Variants in UHRF2 observed in about 807,000 individuals in gnomAD.
UHRF2 encodes E3 ubiquitin-protein ligase UHRF2.
UHRF2 carries 23 observed loss-of-function variants against 96.8 expected under a neutral mutation model. That is an observed-to-expected ratio of 0.24 (90% CI 0.17 to 0.34). UHRF2 has a LOEUF of 0.34. Among genes scored for constraint, UHRF2 ranks in the 10% least tolerant of loss-of-function variants. The pLI is 1.00. For missense variants in UHRF2, 685 were observed against 981.5 expected (o/e 0.70, Z 4.04); for synonymous variants, 385 against 332.6 (o/e 1.16, Z -1.72).
At chr9:6,494,772 C>G (rs1357867686) in intron 10 of UHRF2, 1 of 152,124 alleles carries the variant, frequency 6.6e-6, no homozygotes, top group East Asian at 1.9e-4. Context: ...GTCTAAATCA[C>G]TCAGTTTTAA....
intron 3 of UHRF2, among the ~76,000 whole-genome samples, chr9:6,438,114 A>G (rs1820958885): frequency 6.6e-6 from 1 of 152,234 alleles, no homozygotes; most frequent in Non-Finnish European, 1.5e-5. Context: ...CTTAGCTTGA[A>G]AGACCTGGAT....
intron 1 of UHRF2, among the ~76,000 whole-genome samples, chr9:6,419,101 C>T (rs990162065): frequency 6.6e-5 from 10 of 152,188 alleles, no homozygotes; most frequent in African/African-American, 2.2e-4. Context: ...AATTACCTCT[C>T]TAAAGACCCT....
At chr9:6,461,489 C>G (rs1475565341) in intron 4 of UHRF2, among the ~76,000 whole-genome samples, 1 of 151,166 alleles carries the variant, frequency 6.6e-6, no homozygotes, top group Non-Finnish European at 1.5e-5. Flanking sequence ...TCTCCTGCCT[C>G]AGCCTCCCAA....
intron 9 of UHRF2, among the ~76,000 whole-genome samples, chr9:6,487,175 T>TTTATTTTTTA (rs1219013703): frequency 1.4e-5 from 2 of 142,684 alleles, no homozygotes; most frequent in African/African-American, 5.5e-5. Context: ...GCTTTTATTT[T>TTTATTTTTTA]TTTTTCCTTT....
At chr9:6,438,718 C>G (rs1386508583) in intron 3 of UHRF2, among the ~76,000 whole-genome samples, 1 of 152,172 alleles carries the variant, frequency 6.6e-6, no homozygotes, top group Non-Finnish European at 1.5e-5. Flanking sequence ...TGTTTAAAAG[C>G]TGTTTTTTAT....
rs755885400 is a variant in UHRF2, at chr9:6,456,913, G to A, written c.645-3660G>A. 4.6e-5 allele frequency among the ~76,000 whole-genome samples: 7 copies of A among 152,016 alleles called. No individual in the cohort carries two copies. The East Asian group carries it at 7.7e-4, about 17-fold the overall frequency. ...CTACATGTCTGTTTTGGTTACTGTA[G>A]CCTTGTATAGTTTGAAGTCAGGTAG... On this transcript the variant is annotated intron_variant, in intron 3 of 15. Coordinates refer to ENST00000276893, the MANE Select transcript of UHRF2 (RefSeq NM_152896.3).
intron 1 of UHRF2, among the ~76,000 whole-genome samples, chr9:6,415,874 C>CTAGTCTCTTACTATTCA (rs1819567632): frequency 6.6e-6 from 1 of 152,294 alleles, no homozygotes; most frequent in Admixed American, 6.5e-5. Context: ...TAGTCTCCCA[C>CTAGTCTCTTACTATTCA]TAGTCTCTTA....
At chr9:6,501,472 G>A (rs1288089619) in intron 14 of UHRF2, among the ~76,000 whole-genome samples, 1 of 152,150 alleles carries the variant, frequency 6.6e-6, no homozygotes, top group East Asian at 1.9e-4. Flanking sequence ...TAGGCTGAAA[G>A]CAGCAACACA....
intron 4 of UHRF2, among the ~76,000 whole-genome samples, chr9:6,467,029 C>T (rs1249677231): frequency 9.2e-5 from 14 of 152,140 alleles, no homozygotes; most frequent in Admixed American, 7.2e-4. Context: ...CCTATTGCTG[C>T]TACAACAAAT....
At chr9:6,487,389 G>A (rs1203450993) in intron 9 of UHRF2, among the ~76,000 whole-genome samples, 3 of 151,188 alleles carry the variant, frequency 2.0e-5, no homozygotes, top group African/African-American at 4.9e-5. Flanking sequence ...TTTTTGAGGC[G>A]GAGTTTTACT....
intron 3 of UHRF2, chr9:6,449,335 C>T (rs2130813588): frequency 6.6e-6 from 1 of 152,326 alleles, no homozygotes; most frequent in Middle Eastern, 3.4e-3. Context: ...CACACCTGAG[C>T]TTACCATTAG....
rs1563814306 is a variant in UHRF2 at position 6,504,779 on chromosome 9, T to C, written c.2262+88T>C. 22 of 1,053,510 alleles carry C rather than the reference T, an allele frequency of 2.1e-5. No homozygotes were observed. The East Asian group carries it at 5.7e-4, about 27-fold the overall frequency. The allele number at this position is 1,053,510 out of a possible 1,614,324, so 65.3% of individuals were successfully genotyped here. On this transcript the variant is annotated intron_variant, in intron 15 of 15. Transcript: ENST00000276893. ...GTTTTTAGCATGCTAAGAAGCATTT[T>C]CCGTGAAGCGGGATAGTTGCGGAAC...
intron 9 of UHRF2, among the ~76,000 whole-genome samples, chr9:6,487,778 A>C (rs1824397991): frequency 6.6e-6 from 1 of 152,246 alleles, no homozygotes; most frequent in Non-Finnish European, 1.5e-5. Flanking sequence ...CTGGGATTAT[A>C]GGCGTGAGCC....
At chr9:6,448,768 TG>T (rs1389869610) in intron 3 of UHRF2, among the ~76,000 whole-genome samples, 1 of 152,204 alleles carries the variant, frequency 6.6e-6, no homozygotes, top group Non-Finnish European at 1.5e-5. Context: ...GAGTTAAGAA[TG>T]TGGTAGGTTG....
intron 4 of UHRF2, among the ~76,000 whole-genome samples, chr9:6,464,356 A>G (rs1445465807): frequency 5.3e-5 from 8 of 152,196 alleles, no homozygotes; most frequent in Admixed American, 4.6e-4. Flanking sequence ...ATATGTGGCA[A>G]AAATACTTTT....
At chr9:6,422,147 A>G (rs2130725596) in intron 2 of UHRF2, among the ~76,000 whole-genome samples, 1 of 152,342 alleles carries the variant, frequency 6.6e-6, no homozygotes, top group East Asian at 1.9e-4. Context: ...CCAAACTACT[A>G]TACTTGGTTC....
rs10758791 is a variant in UHRF2, at chr9:6,435,559, C to G, written c.644+1386C>G. ...CAACCCCCCAAAAAGAAATCTCATA[C>G]TGATTATCAGTCACTCCCCAGTCCC... On this transcript the variant is annotated intron_variant, in intron 3 of 15. Transcript: ENST00000276893. 2.3e-3 allele frequency among the ~76,000 whole-genome samples: 354 copies of G among 152,102 alleles called. 3 individuals carry two copies. Among genetic ancestry groups the G allele is most frequent in the African/African-American group, 7.0e-3 (291 of 41,464 alleles).
rs143318881 is a variant in UHRF2 at position 6,447,268 on chromosome 9, A to G, written c.644+13095A>G. ...GTCAGGCGGTCATACTTTATTATAT[A>G]TTTGATTAAGACCTTTTTATATAAA... On this transcript the variant is annotated intron_variant, in intron 3 of 15. Coordinates refer to ENST00000276893, the MANE Select transcript of UHRF2 (RefSeq NM_152896.3). Among the ~76,000 whole-genome samples the G allele has an allele frequency of 1.2e-3, 190 of 152,284 alleles. 1 individual carries two copies. The highest frequency in any genetic ancestry group is 4.2e-3 in the African/African-American group (176 of 41,566).
chr9:6,482,394 G>A (rs1676579309), intron 8 of UHRF2, among the ~76,000 whole-genome samples: 1 of 152,078 alleles, frequency 6.6e-6, no homozygotes, highest in African/African-American at 2.4e-5. Context: ...TTTAGCATTT[G>A]AAATATTAAA....
Sources: gnomAD v4.1 joint callset for allele counts (sites outside exome capture counted in the v4.1 genomes callset) on GRCh38, gnomAD v4.1.1 for gene constraint, MANE v1.5 for transcripts, NCBI Gene and HGNC (gene_info 2026-07-23, HGNC 2026-07-21) for gene names.